The following NEBL variants were observed in gnomAD, a reference collection of about 807,000 sequenced individuals.
The protein encoded by NEBL is LIM and SH3 protein 2.
In NEBL, 122 loss-of-function variants were observed where a neutral mutation model predicts 140.2. That is an observed-to-expected ratio of 0.87 (90% confidence interval 0.75 to 1.01). The LOEUF (loss-of-function observed/expected upper bound fraction) is 1.01. NEBL is among the 50% of genes least tolerant of loss of function. The pLI is 0.00. For missense variants in NEBL, 1,365 were observed against 1,231.3 expected (o/e 1.11, Z -1.62); for synonymous variants, 436 against 398.9 (o/e 1.09, Z -1.11).
At position 20,819,463 on chromosome 10, in the gene NEBL, CT is replaced by C; in HGVS notation, c.2015del (p.Glu672GlyfsTer2). ...CCTGGTTTCGCCTCACTCTCTCTATCTCCGGGGTCATGCTTACCGGAGTGGC... is the reference window on the plus strand; with the variant it reads ...CCTGGTTTCGCCTCACTCTCTCTATCCCGGGGTCATGCTTACCGGAGTGGC... Reference protein sequence around the residue: ...YKATPVSMTPEIERVRRNQEQ... With the variant: ...YKATPVSMTPXIERVRRNQEQ... On this transcript the variant is annotated frameshift_variant, in exon 20 of 28. Coordinates refer to ENST00000377122, the MANE Select transcript of NEBL (RefSeq NM_006393.3). LOFTEE classifies it high-confidence loss of function. 1.9e-6 allele frequency: 3 copies of C among 1,614,128 alleles called. No homozygotes were observed. The highest frequency in any genetic ancestry group is 1.7e-6 in the Non-Finnish European group (2 of 1,179,978).
intron 7 of NEBL, among the ~76,000 whole-genome samples, chr10:20,860,561 C>A (rs1462786661): frequency 2.9e-4 from 18 of 61,942 alleles, no homozygotes; most frequent in East Asian, 4.7e-4. Context: ...AAGTTCACTA[C>A]AAAAAGAAAA....
chr10:20,849,829 A>C (rs1269506340), intron 11 of NEBL, among the ~76,000 whole-genome samples: 1 of 152,206 alleles, frequency 6.6e-6, no homozygotes, highest in Non-Finnish European at 1.5e-5. Context: ...ATTAACATTT[A>C]CTGGATACAG....
In NEBL at chr10:20,858,307, G is replaced by A; in HGVS notation, c.836C>T (p.Pro279Leu). The A allele has an allele frequency of 6.2e-7, 1 of 1,610,130 alleles. No homozygotes were observed. ...CAACAAATTTGGGAGATCTGAAACT[G>A]GATCATGCATATTTTGAATGTCTTT... ...YKKDIQNMHD[P>L]VSDLPNLLFL... is the part of the protein sequence containing the mutation. Residue 279 changes from proline (P) to leucine (L), a missense_variant, in exon 9 of 28, where the codon CCA becomes CTA. Physicochemically the swap from Pro to Leu is moderately conservative, Grantham distance 98. This residue lies in a region of NEBL where 1,323 missense variants were observed against 1,154.8 expected (regional missense o/e 1.15). Transcript: ENST00000377122.
In NEBL at chr10:20,969,293, A is replaced by T. The variant is rs1224793036; in HGVS notation, c.250-7514T>A. 5.3e-5 allele frequency among the ~76,000 whole-genome samples: 8 copies of T among 152,124 alleles called. No homozygotes were observed. In the South Asian group the frequency reaches 1.2e-3, roughly 24 times the overall value. On this transcript the variant is annotated intron_variant, in intron 3 of 6. Transcript: ENST00000417816. ...CTATGGTTAATTAAATAAAATTAAA[A>T]TTATAATTACCTTTTTAAACATAAT...
At chr10:21,051,818 A>T (rs1289549648) in intron 2 of NEBL, among the ~76,000 whole-genome samples, 5 of 152,232 alleles carry the variant, frequency 3.3e-5, no homozygotes, top group Admixed American at 6.5e-5. Flanking sequence ...AAAGCTGTAC[A>T]TATTCAATGT....
chr10:21,069,865 G>C, intron 2 of NEBL: 1 of 395,826 alleles, frequency 2.5e-6, no homozygotes, highest in Non-Finnish European at 5.0e-6. Flanking sequence ...TTTTACAGAA[G>C]ATTAAAACAA....
chr10:21,026,159 T>A (rs538172140), intron 2 of NEBL, among the ~76,000 whole-genome samples: 1 of 152,350 alleles, frequency 6.6e-6, no homozygotes, highest in African/African-American at 2.4e-5. Context: ...CTTCATGGAT[T>A]TATTTTCTGT....
At chr10:20,855,742 G>C (rs1442354603) in intron 9 of NEBL, among the ~76,000 whole-genome samples, 1 of 152,034 alleles carries the variant, frequency 6.6e-6, no homozygotes, top group Non-Finnish European at 1.5e-5. Context: ...ACTTTAATTA[G>C]AATGATTTTA....
At chr10:21,019,157 C>T (rs1838679072) in intron 3 of NEBL, among the ~76,000 whole-genome samples, 3 of 152,212 alleles carry the variant, frequency 2.0e-5, no homozygotes, top group African/African-American at 7.2e-5. Flanking sequence ...CCATCATTAT[C>T]ACCATCATAA....
rs1834988438 is a variant in NEBL, at chr10:20,780,836, T to A, written c.*4911A>T. ...CCATTGCTGACACAGCCATCTGTCATTCCTGGTTTGCCGTCATTTAAGTAG... is the reference window on the plus strand; with the variant it reads ...CCATTGCTGACACAGCCATCTGTCAATCCTGGTTTGCCGTCATTTAAGTAG... On this transcript the variant is annotated 3_prime_UTR_variant, in exon 28 of 28. Coordinates refer to ENST00000377122, the MANE Select transcript of NEBL (RefSeq NM_006393.3). The A allele has an allele frequency of 1.3e-5, 2 of 152,214 alleles. No individual in the cohort carries two copies. The highest frequency in any genetic ancestry group is 1.3e-4 in the Admixed American group (2 of 15,276). 9.4% of individuals were successfully genotyped at this position (152,214 alleles called of 1,614,324 possible). A position where few individuals can be genotyped will look rare whatever the true frequency, so the allele number is the denominator to read the frequency against.
At chr10:20,920,729 T>A (rs1039185062) in intron 4 of NEBL, among the ~76,000 whole-genome samples, 1 of 152,170 alleles carries the variant, frequency 6.6e-6, no homozygotes, top group Admixed American at 6.5e-5. Flanking sequence ...AACATCAGTT[T>A]GGAAAATCAT....
chr10:21,070,773 C>T (rs535532989), intron 2 of NEBL, among the ~76,000 whole-genome samples: 2 of 152,104 alleles, frequency 1.3e-5, no homozygotes, highest in Non-Finnish European at 2.9e-5. Context: ...GATAAGGAAA[C>T]GGAGTCTTTA....
chr10:21,146,586 T>A, intron 2 of NEBL: 2 of 1,096,586 alleles, frequency 1.8e-6, no homozygotes, highest in Non-Finnish European at 2.7e-6. Context: ...TCATCTTAAT[T>A]ACAGAAGCTC....
At chr10:21,010,125 CT>C (rs993763645) in intron 3 of NEBL, among the ~76,000 whole-genome samples, 2 of 152,138 alleles carry the variant, frequency 1.3e-5, no homozygotes, top group African/African-American at 4.8e-5. Context: ...GAATAGTTCC[CT>C]AATGAGCCTG....
At chr10:20,797,138 T>G (rs1443903597) in intron 26 of NEBL, among the ~76,000 whole-genome samples, 3 of 152,086 alleles carry the variant, frequency 2.0e-5, no homozygotes, top group Non-Finnish European at 4.4e-5. Flanking sequence ...GACTGAAGAG[T>G]CAGCTAACAG....
chr10:20,864,050 T>C (rs893535492), intron 7 of NEBL, among the ~76,000 whole-genome samples: 2 of 152,190 alleles, frequency 1.3e-5, no homozygotes, highest in African/African-American at 4.8e-5. Context: ...ATTTTTAGGT[T>C]TAAAACCCAT....
intron 2 of NEBL, among the ~76,000 whole-genome samples, chr10:21,073,512 G>T (rs1835915278): frequency 6.6e-6 from 1 of 151,026 alleles, no homozygotes; most frequent in Non-Finnish European, 1.5e-5. Flanking sequence ...AGCTACTCAG[G>T]AGGCCAAGAC....
upstream of NEBL, among the ~76,000 whole-genome samples, chr10:21,178,497 C>T (rs962827068): frequency 7.2e-5 from 11 of 152,178 alleles, no homozygotes; most frequent in African/African-American, 2.4e-4. Context: ...TAGAAGAAGT[C>T]GTCATTACTA....
At chr10:20,865,480 T>C (rs1156517975) in intron 7 of NEBL, among the ~76,000 whole-genome samples, 1 of 152,134 alleles carries the variant, frequency 6.6e-6, no homozygotes, top group African/African-American at 2.4e-5. Context: ...ACAGCCCAGC[T>C]CCAGGGTACA....
Sources: allele counts gnomAD v4.1 joint callset (sites outside exome capture counted in the v4.1 genomes callset), GRCh38; gene constraint gnomAD v4.1.1; regional missense constraint gnomAD v4.1.1; transcripts MANE v1.5; gene names NCBI Gene and HGNC (gene_info 2026-07-23, HGNC 2026-07-21).